GSE1: variants seen among roughly 807,000 people sequenced by gnomAD.
The protein encoded by GSE1 is Gse1 coiled-coil protein, also known as genetic suppressor element 1.
A neutral mutation model predicts 112.6 loss-of-function variants in GSE1; 32 were observed. That is an observed-to-expected ratio of 0.28 (90% confidence interval 0.21 to 0.38). GSE1 has a LOEUF of 0.38. Ranked by LOEUF, GSE1 falls within the 10% of genes least tolerant of loss-of-function variation. GSE1 has a pLI of 1.00. For synonymous variants in GSE1, 1,115 were observed against 735.6 expected (o/e 1.52, Z -8.35); for missense variants, 2,348 against 1,699.2 (o/e 1.38, Z -6.71).
chr16:85,496,669 C>T (rs1298550694), intron 2 of GSE1, among the ~76,000 whole-genome samples: 1 of 152,198 alleles, frequency 6.6e-6, no homozygotes, highest in Admixed American at 6.5e-5. Flanking sequence ...ATAGAGAGCG[C>T]TCAGGAAGAT....
At chr16:85,635,941 G>GT (rs1555553801) in intron 2 of GSE1, among the ~76,000 whole-genome samples, 1 of 152,158 alleles carries the variant, frequency 6.6e-6, no homozygotes, top group Non-Finnish European at 1.5e-5. Flanking sequence ...GCAGGAGCCT[G>GT]CTCACAGGGC....
At chr16:85,475,480 C>T (rs569233724) in intron 2 of GSE1, among the ~76,000 whole-genome samples, 12 of 152,334 alleles carry the variant, frequency 7.9e-5, no homozygotes, top group Admixed American at 1.3e-4. Flanking sequence ...CTGGCCATGC[C>T]GAGGTGGAGA....
At position 85,388,996 on chromosome 16, in the gene GSE1, A is replaced by G. The variant is rs78323332; in HGVS notation, c.2464+31353A>G. ...CATGAAGGAAAAAAAAGAGAGAGAA[A>G]TGTTCCACGATGTTGAGGGTAATCT... On this transcript the variant is annotated intron_variant, in intron 2 of 2. Coordinates refer to the GSE1 transcript ENST00000637419. Among the ~76,000 whole-genome samples, 768 of 152,182 alleles carry G rather than the reference A, an allele frequency of 5.0e-3. 4 individuals are homozygous for G. Among genetic ancestry groups the G allele is most frequent in the African/African-American group, 0.018 (741 of 41,518 alleles).
intron 1 of GSE1, among the ~76,000 whole-genome samples, chr16:85,198,891 A>C (rs941217172): frequency 4.7e-5 from 7 of 148,058 alleles, no homozygotes; most frequent in Admixed American, 2.0e-4. Flanking sequence ...CGATCCTCCC[A>C]CCTCAGCCTC....
At chr16:85,584,009 A>G (rs372565984) in intron 1 of GSE1, among the ~76,000 whole-genome samples, 20 of 152,308 alleles carry the variant, frequency 1.3e-4, no homozygotes, top group African/African-American at 2.2e-4. Flanking sequence ...GTCTCCTTCA[A>G]TTGGCCCTAA....
chr16:85,282,216 C>CG (rs2044877897), intron 1 of GSE1, among the ~76,000 whole-genome samples: 1 of 151,978 alleles, frequency 6.6e-6, no homozygotes. Flanking sequence ...TCAGTAGAGA[C>CG]GGGGTTTCAC....
chr16:85,267,918 C>G (rs1333081216), intron 1 of GSE1, among the ~76,000 whole-genome samples: 70 of 152,248 alleles, frequency 4.6e-4, no homozygotes, highest in Admixed American at 4.4e-3. Context: ...AGTGGCCTCT[C>G]TGAACCTCAG....
chr16:85,651,457 A>G (rs1359429863), intron 3 of GSE1, among the ~76,000 whole-genome samples: 2 of 151,998 alleles, frequency 1.3e-5, no homozygotes, highest in African/African-American at 2.4e-5. Context: ...GGAAGGTGCC[A>G]TCTGGCCTGC....
intron 2 of GSE1, among the ~76,000 whole-genome samples, chr16:85,367,012 C>T (rs558749581): frequency 1.4e-4 from 21 of 152,250 alleles, no homozygotes; most frequent in Admixed American, 5.2e-4. Flanking sequence ...AGGCACAGAC[C>T]GTCTCTGCAG....
At chr16:85,280,543 C>A (rs1289487302) in intron 1 of GSE1, among the ~76,000 whole-genome samples, 3 of 152,076 alleles carry the variant, frequency 2.0e-5, no homozygotes, top group African/African-American at 7.2e-5. Flanking sequence ...CTACAGGCGC[C>A]CGCCACCATA....
chr16:85,246,390 C>G (rs1490991418), intron 1 of GSE1, among the ~76,000 whole-genome samples: 3 of 117,594 alleles, frequency 2.6e-5, no homozygotes, highest in Admixed American at 8.6e-5. Flanking sequence ...TACACACACA[C>G]CCCACACGCT....
chr16:85,223,518 A>G (rs1020353978), intron 1 of GSE1, among the ~76,000 whole-genome samples: 9 of 152,020 alleles, frequency 5.9e-5, no homozygotes, highest in Non-Finnish European at 1.3e-4. Context: ...GCAAGACTCC[A>G]TCTCAAAAAA....
At chr16:85,644,918 A>G (rs762604057) in intron 2 of GSE1, among the ~76,000 whole-genome samples, 8 of 151,982 alleles carry the variant, frequency 5.3e-5, no homozygotes, top group Admixed American at 2.6e-4. Context: ...AAAAACTTAA[A>G]GTGAACTTTT....
chr16:85,499,466 A>C (rs2151909851), intron 2 of GSE1, among the ~76,000 whole-genome samples: 1 of 151,588 alleles, frequency 6.6e-6, no homozygotes, highest in Non-Finnish European at 1.5e-5. Context: ...ACCCGCCACC[A>C]CGCCCGGCTA....
chr16:85,233,700 A>G (rs1904324741), intron 1 of GSE1, among the ~76,000 whole-genome samples: 1 of 152,170 alleles, frequency 6.6e-6, no homozygotes, highest in East Asian at 1.9e-4. Context: ...ACACACTGAC[A>G]GGGACTTTCT....
At chr16:85,547,429 A>G (rs899253910) in intron 2 of GSE1, among the ~76,000 whole-genome samples, 1 of 151,756 alleles carries the variant, frequency 6.6e-6, no homozygotes, top group South Asian at 2.1e-4. Context: ...TATCACGCCA[A>G]TTTCTGCCTC....
At chr16:85,634,961 T>C (rs1385567714) in intron 2 of GSE1, among the ~76,000 whole-genome samples, 1 of 151,654 alleles carries the variant, frequency 6.6e-6, no homozygotes, top group Non-Finnish European at 1.5e-5. Flanking sequence ...GCGGGGGGGC[T>C]GAGGAAACCG....
intron 1 of GSE1, among the ~76,000 whole-genome samples, chr16:85,587,183 G>GA (rs1247346610): frequency 6.7e-6 from 1 of 149,054 alleles, no homozygotes; most frequent in Non-Finnish European, 1.5e-5. Flanking sequence ...CCCCCCCCCA[G>GA]ACCAGACCCC....
intron 2 of GSE1, among the ~76,000 whole-genome samples, chr16:85,441,376 C>T (rs1466139373): frequency 6.6e-6 from 1 of 152,210 alleles, no homozygotes; most frequent in Non-Finnish European, 1.5e-5. Context: ...GGGACGTGGT[C>T]TGGCGTGGTG....
Sources: gnomAD v4.1 joint callset for allele counts (sites outside exome capture counted in the v4.1 genomes callset) on GRCh38, gnomAD v4.1.1 for gene constraint, MANE v1.5 for transcripts, NCBI Gene and HGNC (gene_info 2026-07-23, HGNC 2026-07-21) for gene names.